Variants in CCDC88C observed in about 807,000 individuals in gnomAD.
CCDC88C encodes the protein protein Daple.
CCDC88C carries 131 observed loss-of-function variants against 198.8 expected under a neutral mutation model. The ratio of observed to expected loss-of-function variants is 0.66; its 90% CI spans 0.57 to 0.76. The LOEUF (loss-of-function observed/expected upper bound fraction) is 0.76, where lower values mean the gene tolerates loss of function less well. CCDC88C is among the 30% of genes least tolerant of loss of function. CCDC88C has a pLI of 0.00. For synonymous variants in CCDC88C, 1,166 were observed against 1,114.7 expected, an observed-to-expected ratio of 1.05 and a Z score of -0.92; for missense variants, 2,553 against 2,631.6, an observed-to-expected ratio of 0.97 and a Z score of 0.65.
intron 23 of CCDC88C, among the ~76,000 whole-genome samples, chr14:91,293,579 TGTCCCCTCGCCTGCCATGGCC>T (rs1567055980): frequency 8.2e-6 from 1 of 121,614 alleles, no homozygotes. Context: ...CCCACCTTCC[TGTCCCCTCGCCTGCCATGGCC>T]CACCTCCTGT....
chr14:91,408,533 C>A (rs144908493), intron 3 of CCDC88C, 126 bp downstream of exon 3: 3 of 685,634 alleles, frequency 4.4e-6, no homozygotes, highest in Admixed American at 4.2e-5. Flanking sequence ...TGAAAGCAGA[C>A]CAACTGTCAA....
At chr14:91,331,432 GC>G (rs1222197689) in intron 10 of CCDC88C, among the ~76,000 whole-genome samples, 1 of 152,184 alleles carries the variant, frequency 6.6e-6, no homozygotes, top group South Asian at 2.1e-4. Flanking sequence ...CTGTCTCCAG[GC>G]CCCATGGGCA....
At chr14:91,281,120 G>C (rs754584078) in intron 27 of CCDC88C, 7 of 490,728 alleles carry the variant, frequency 1.4e-5, no homozygotes, top group Non-Finnish European at 2.8e-5. Context: ...CTGCAGCCAA[G>C]TGAGGACAGC....
intron 23 of CCDC88C, among the ~76,000 whole-genome samples, 180 bp downstream of exon 23, chr14:91,293,977 CAACTGAGAACTCTAGA>C (rs1031870832): frequency 4.7e-4 from 72 of 152,284 alleles, no homozygotes; most frequent in Admixed American, 3.1e-3. Context: ...AAACAAAAGC[CAACTGAGAACTCTAGA>C]AACTGAGAAC....
chr14:91,411,630 G>A lies in CCDC88C; in HGVS notation c.162-2863C>T, dbSNP rs143635143. On this transcript the variant is annotated intron_variant, in intron 2 of 29. Transcript: ENST00000389857. ...CAAGAGTTCCAAGTCTAAAGTGTGG[G>A]CCCCCAGGGATTCCTTTTCATAAAA... Among the ~76,000 whole-genome samples the A allele has an allele frequency of 3.7e-4, 57 of 152,146 alleles. No individual in the cohort carries two copies. In the Middle Eastern group the frequency reaches 0.01, roughly 27 times the overall value.
intron 3 of CCDC88C, chr14:91,378,980 G>C (rs888117300): frequency 6.6e-6 from 1 of 152,198 alleles, no homozygotes; most frequent in South Asian, 2.1e-4. Flanking sequence ...AAGTTACTCC[G>C]GGATACCCTT....
chr14:91,313,148 C>T lies in CCDC88C; in HGVS notation c.2668G>A (p.Glu890Lys). ...RDAAGKLKEL[E>K]KDNRDLTKQV... ...TTGGTGAGGTCCCGGTTGTCCTTCT[C>T]CAGCTCCTTCAGCTTGCCGGCTGCG... Residue 890 changes from glutamate (E) to lysine (K), a missense_variant, in exon 15 of 30, where the codon GAG (glutamate) becomes AAG (lysine). Glu to Lys is a moderately conservative substitution (Grantham distance 56). Transcript: ENST00000389857. This position sits in a 1 kb window ranked among gnomAD's most constrained non-coding sequence, Gnocchi z 5.2. 1 of 1,610,706 alleles carries T rather than the reference C, an allele frequency of 6.2e-7. No homozygotes were observed. Among genetic ancestry groups the T allele is most frequent in the African/African-American group, 1.3e-5 (1 of 75,002 alleles).
intron 29 of CCDC88C, among the ~76,000 whole-genome samples, chr14:91,275,141 G>A (rs541557105): frequency 4.3e-4 from 66 of 152,300 alleles, no homozygotes; most frequent in African/African-American, 1.5e-3. Context: ...TCAGGGGTAG[G>A]GGGTTAAATA....
intron 10 of CCDC88C, among the ~76,000 whole-genome samples, chr14:91,331,089 A>G (rs1341273425): frequency 2.8e-5 from 2 of 70,822 alleles, no homozygotes; most frequent in Non-Finnish European, 5.5e-5. Context: ...TACTGGCAAG[A>G]GTGGCTTTGG....
At chr14:91,308,171 T>C (rs1010728069) in intron 17 of CCDC88C, among the ~76,000 whole-genome samples, 180 bp downstream of exon 17, 3 of 152,192 alleles carry the variant, frequency 2.0e-5, no homozygotes, top group Non-Finnish European at 4.4e-5. Flanking sequence ...CTTATTCTGG[T>C]TCTGTTTGGC....
chr14:91,341,868 G>T (rs911289634), intron 6 of CCDC88C, among the ~76,000 whole-genome samples: 2 of 152,202 alleles, frequency 1.3e-5, no homozygotes, highest in Non-Finnish European at 2.9e-5. Flanking sequence ...TCGCTGGGGG[G>T]CCTGAGTTGG....
chr14:91,409,653 A>C (rs1886701464), intron 2 of CCDC88C, among the ~76,000 whole-genome samples: 1 of 149,470 alleles, frequency 6.7e-6, no homozygotes, highest in Non-Finnish European at 1.5e-5. Flanking sequence ...ACGCCCAGCT[A>C]ATTTTTGTAT....
intron 25 of CCDC88C, among the ~76,000 whole-genome samples, chr14:91,286,831 C>T (rs1890428605): frequency 6.6e-6 from 1 of 152,212 alleles, no homozygotes; most frequent in African/African-American, 2.4e-5. Flanking sequence ...ATTTGGGTCC[C>T]ACTTACCCAA....
chr14:91,271,803 T>C lies in CCDC88C; in HGVS notation c.*822A>G, dbSNP rs777121508. On this transcript the variant is annotated 3_prime_UTR_variant, in exon 30 of 30. Coordinates refer to ENST00000389857, the MANE Select transcript of CCDC88C (RefSeq NM_001080414.4). ...GAGCTTGCACCTCGCTCTGTGCGGA[T>C]GACCCCTCGGTGCACTGTGCACACT... is the stretch of plus-strand genomic sequence containing the variant. 2.6e-5 allele frequency: 4 copies of C among 152,630 alleles called. No individual in the cohort carries two copies. The highest frequency in any genetic ancestry group is 9.6e-5 in the African/African-American group (4 of 41,466). The allele number at this position is 152,630 out of a possible 1,614,324, so 9.5% of individuals were successfully genotyped here. A position where few individuals can be genotyped will look rare whatever the true frequency, so the allele number is the denominator to read the frequency against.
In CCDC88C at chr14:91,273,735, C is replaced by G; in HGVS notation, c.5059-82G>C. 1.6e-6 allele frequency: 2 copies of G among 1,260,456 alleles called. No homozygotes were observed. Among genetic ancestry groups the G allele is most frequent in the Admixed American group, 2.9e-5 (1 of 34,444 alleles). The allele number at this position is 1,260,456 out of a possible 1,614,324, so 78.1% of individuals were successfully genotyped here. A position where few individuals can be genotyped will look rare whatever the true frequency, so the allele number is the denominator to read the frequency against. ...AGCCGCCTCCTGCGCGGGACGCCCC[C>G]GAGCAGCCCACGTGGCTGGGACCGC... On this transcript the variant is annotated intron_variant, in intron 29 of 29. Transcript: ENST00000389857. This position sits in a 1 kb window ranked among gnomAD's most constrained non-coding sequence, Gnocchi z 5.6.
intron 10 of CCDC88C, among the ~76,000 whole-genome samples, chr14:91,330,743 C>T (rs1220210210): frequency 6.6e-6 from 1 of 151,990 alleles, no homozygotes; most frequent in Admixed American, 6.6e-5. Context: ...AAGACAATGA[C>T]TCTGAACACA....
intron 3 of CCDC88C, among the ~76,000 whole-genome samples, chr14:91,407,110 G>A (rs542156693): frequency 3.9e-5 from 6 of 152,230 alleles, no homozygotes; most frequent in African/African-American, 9.6e-5. Context: ...GGAGGAGGAC[G>A]GAAACAACCA....
At position 91,326,143 on chromosome 14, in the gene CCDC88C, CATCTGGACCCAAGCAAACA is replaced by C. The variant is rs1892575033; in HGVS notation, c.1051-106_1051-88del. ...ATTCTAAAACCAAAACTCTTTCAGG[CATCTGGACCCAAGCAAACA>C]ATCTAGAGGGAAGTCCGAGGCAGGA... On this transcript the variant is annotated intron_variant, in intron 10 of 29. Transcript: ENST00000389857. The C allele has an allele frequency of 2.4e-6, 3 of 1,229,250 alleles. No individual in the cohort carries two copies. The African/African-American group carries it at 4.5e-5, about 19-fold the overall frequency. 76.1% of individuals were successfully genotyped at this position (1,229,250 alleles called of 1,614,324 possible). A position where few individuals can be genotyped will look rare whatever the true frequency, so the allele number is the denominator to read the frequency against.
chr14:91,298,097 A>T (rs1891095332), intron 21 of CCDC88C, among the ~76,000 whole-genome samples: 1 of 152,210 alleles, frequency 6.6e-6, no homozygotes, highest in Non-Finnish European at 1.5e-5. Flanking sequence ...CTTGATTTGG[A>T]CATAGACGTG....
Sources: gnomAD v4.1 joint callset for allele counts (sites outside exome capture counted in the v4.1 genomes callset) on GRCh38, gnomAD v4.1.1 for gene constraint, Gnocchi (gnomAD v3.1) non-coding constraint, MANE v1.5 for transcripts, NCBI Gene and HGNC (gene_info 2026-07-23, HGNC 2026-07-21) for gene names.